The following NLRC3 variants were observed in gnomAD, a reference collection of about 807,000 sequenced individuals.
The protein encoded by NLRC3 is NLR family CARD domain-containing protein 3.
Under a neutral mutation model 91.6 loss-of-function variants are expected in NLRC3, and 87 were observed. That is an observed-to-expected ratio of 0.95 (90% CI 0.80 to 1.14). The LOEUF (loss-of-function observed/expected upper bound fraction) is 1.14, where lower values mean the gene tolerates loss of function less well. NLRC3 is among the 50% of genes most tolerant of loss of function. The probability of loss-of-function intolerance (pLI) is 0.00; values close to 1 mark genes in which losing one functional copy is unlikely to be tolerated. For synonymous variants in NLRC3, 694 were observed against 625.3 expected, an observed-to-expected ratio of 1.11 and a Z score of -1.64; for missense variants, 1,577 against 1,418.6, an observed-to-expected ratio of 1.11 and a Z score of -1.79.
Position 3,542,746 on chromosome 16 carries a change from C to T in NLRC3, c.2969G>A (p.Gly990Glu). ...DLRGNAIGVA[G>E]AKALANALKV... ...CAGAGCATTTGCCAGGGCTTTGGCT[C>T]CAGCCACCCCAATGGCATTTCCTCT... is the stretch of plus-strand genomic sequence containing the variant. Residue 990 changes from glycine to glutamate, a missense_variant, in exon 18 of 20, where the codon GGA (glycine) becomes GAA (glutamate). Coordinates refer to ENST00000359128, the MANE Select transcript of NLRC3 (RefSeq NM_178844.4). 3 of 1,609,384 alleles carry T rather than the reference C, an allele frequency of 1.9e-6. No homozygotes were observed. The highest frequency in any genetic ancestry group is 1.1e-5 in the South Asian group (1 of 89,978).
intron 6 of NLRC3, among the ~76,000 whole-genome samples, chr16:3,559,715 T>C (rs2039518896): frequency 1.3e-5 from 2 of 151,082 alleles, no homozygotes; most frequent in South Asian, 4.2e-4. Context: ...CTTGGCTCAC[T>C]GCAACTTCTG....
In NLRC3 at chr16:3,564,654, C is replaced by T. The variant is rs2039792408; in HGVS notation, c.283G>A (p.Gly95Ser). 1 of 1,606,132 alleles carries T rather than the reference C, an allele frequency of 6.2e-7. No individual in the cohort carries two copies. The highest frequency in any genetic ancestry group is 8.5e-7 in the Non-Finnish European group (1 of 1,179,684). ...TCCCTCAGCTGCAGGTCCGTCAGGC[C>T]CTCCACCAGCAGGAGGGAGGCCAGC... The part of the protein sequence containing the change: ...HRLASLLLVE[G>S]LTDLQLREHD... The change falls in exon 5 of 20, where the codon GGC (glycine) becomes AGC (serine). Residue 95 changes from glycine (G) to serine (S), a missense_variant. Gly to Ser is a moderately conservative substitution (Grantham distance 56, BLOSUM62 0). Transcript: ENST00000359128. The surrounding 1 kb of genome is among the most constrained non-coding windows in gnomAD (Gnocchi z 5.9).
In NLRC3 at chr16:3,543,516, GGAGAGGGTGCC is replaced by G; in HGVS notation, c.2856-19_2856-9del. 6.2e-7 allele frequency: 1 copy of G among 1,608,712 alleles called. No homozygotes were observed. The highest frequency in any genetic ancestry group is 8.5e-7 in the Non-Finnish European group (1 of 1,177,146). On this transcript the variant is annotated splice_polypyrimidine_tract_variant and intron_variant, in intron 16 of 19. Coordinates refer to ENST00000359128, the MANE Select transcript of NLRC3 (RefSeq NM_178844.4). ...ATTGAGGCCACCTGGAGACTGGGGC[GGAGAGGGTGCC>G]GTCAGTGTGAGCCGGCTGGGCCCAC...
At chr16:3,576,657 T>TTTTTG (rs750230000) in intron 1 of NLRC3, among the ~76,000 whole-genome samples, 14 of 152,178 alleles carry the variant, frequency 9.2e-5, no homozygotes, top group African/African-American at 2.2e-4. Flanking sequence ...TTTCTTTTCT[T>TTTTTG]TTTTGTTTTG....
intron 8 of NLRC3, among the ~76,000 whole-genome samples, chr16:3,556,304 G>C (rs2039317732): frequency 2.9e-5 from 1 of 34,814 alleles, no homozygotes; most frequent in East Asian, 8.8e-4. Flanking sequence ...GGGTGACAAA[G>C]AAAGAATCCG....
At chr16:3,556,464 C>A (rs2039339116) in intron 8 of NLRC3, among the ~76,000 whole-genome samples, 1 of 151,888 alleles carries the variant, frequency 6.6e-6, no homozygotes, top group Admixed American at 6.6e-5. Context: ...ATAAGATCCC[C>A]AGTACCCAAT....
chr16:3,574,919 G>C (rs1352248514), intron 1 of NLRC3, among the ~76,000 whole-genome samples: 3 of 152,056 alleles, frequency 2.0e-5, no homozygotes, highest in African/African-American at 7.2e-5. Flanking sequence ...CCAAGATCAC[G>C]CCACTGCACT....
rs926085315 is a variant in NLRC3 at position 3,539,063 on chromosome 16, A to G, written c.*2762T>C. ...CAAATACTCAATTTTTATTGGTAGT[A>G]GTTATCAAGAACAAAGTCCTCGGAC... is the stretch of plus-strand genomic sequence containing the variant. On this transcript the variant is annotated 3_prime_UTR_variant, in exon 20 of 20. Transcript: ENST00000359128. 6.6e-6 allele frequency: 1 copy of G among 152,262 alleles called. No individual in the cohort carries two copies. Among genetic ancestry groups the G allele is most frequent in the African/African-American group, 2.4e-5 (1 of 41,470 alleles). 9.4% of individuals were successfully genotyped at this position (152,262 alleles called of 1,614,324 possible). A position where few individuals can be genotyped will look rare whatever the true frequency, so the allele number is the denominator to read the frequency against.
intron 1 of NLRC3, among the ~76,000 whole-genome samples, chr16:3,576,460 AT>A (rs1177996245): frequency 1.3e-5 from 2 of 152,042 alleles, no homozygotes; most frequent in Non-Finnish European, 2.9e-5. Flanking sequence ...GTAGCCTCCC[AT>A]GGGGGGTCCC....
intron 1 of NLRC3, among the ~76,000 whole-genome samples, chr16:3,574,450 G>A (rs905810094): frequency 6.6e-6 from 1 of 152,250 alleles, no homozygotes; most frequent in East Asian, 1.9e-4. Context: ...AGAGGAATGA[G>A]GGAGGGACAG....
intron 15 of NLRC3, among the ~76,000 whole-genome samples, chr16:3,547,830 G>A (rs370033824): frequency 6.6e-6 from 1 of 152,046 alleles, no homozygotes. Context: ...CACCATGCCC[G>A]GCTAATTTTT....
chr16:3,569,395 T>TA lies in NLRC3; in HGVS notation c.-168-2072_-168-2071insT, dbSNP rs1491362144. Among the ~76,000 whole-genome samples the TA allele has an allele frequency of 9.4e-3, 447 of 47,322 alleles. 7 individuals are homozygous for TA. Among genetic ancestry groups the TA allele is most frequent in the African/African-American group, 0.032 (420 of 13,040 alleles). 31.0% of individuals were successfully genotyped at this position (47,322 alleles called of 152,430 possible). ...CCATATATATATATATATATATATA[T>TA]TATTTTTTTTTTTTTTTTTTTTTTT... On this transcript the variant is annotated intron_variant, in intron 1 of 19. Transcript: ENST00000359128.
At chr16:3,555,060 T>C (rs1207941011) in intron 8 of NLRC3, among the ~76,000 whole-genome samples, 1 of 151,952 alleles carries the variant, frequency 6.6e-6, no homozygotes, top group Admixed American at 6.6e-5. Context: ...TGAAACCCCA[T>C]CTCTACTAAA....
intron 2 of NLRC3, among the ~76,000 whole-genome samples, chr16:3,565,881 T>A (rs1027440169): frequency 6.6e-6 from 1 of 151,290 alleles, no homozygotes; most frequent in African/African-American, 2.4e-5. Flanking sequence ...ATCTCTAAAA[T>A]TTTTTAAAAA....
At chr16:3,548,569 G>T (rs2038819685) in intron 14 of NLRC3, 101 bp downstream of exon 14, 1 of 883,466 alleles carries the variant, frequency 1.1e-6, no homozygotes, top group African/African-American at 1.7e-5. Flanking sequence ...CTTTGCAGGG[G>T]GTGTCCCCAA....
At chr16:3,543,341 G>A (rs1367717112) in intron 17 of NLRC3, 84 bp downstream of exon 17, 2 of 960,414 alleles carry the variant, frequency 2.1e-6, no homozygotes, top group African/African-American at 1.6e-5. Context: ...TGAGTTGTCT[G>A]TAAACTTTGT....
chr16:3,565,354 C>T lies in NLRC3; in HGVS notation c.-60G>A, dbSNP rs1050826335. On this transcript the variant is annotated 5_prime_UTR_variant, in exon 3 of 20. Coordinates refer to ENST00000359128, the MANE Select transcript of NLRC3 (RefSeq NM_178844.4). ...ACTGAGGGCAGGCTGAGTCACCTCT[C>T]TGCGCCTTGGTGTCTTCATTTGTGA... The T allele has an allele frequency of 3.3e-6, 2 of 601,162 alleles. No individual in the cohort carries two copies. The highest frequency in any genetic ancestry group is 7.2e-5 in the East Asian group (2 of 27,878). The allele number at this position is 601,162 out of a possible 1,614,324, so 37.2% of individuals were successfully genotyped here.
Position 3,567,905 on chromosome 16 carries a change from G to A in NLRC3, c.-168-581C>T, listed in dbSNP as rs189461002. On this transcript the variant is annotated intron_variant, in intron 1 of 19. Transcript: ENST00000359128. ...TTTTTGAGACGGAGTCTGCTGTGTT[G>A]CCCAGGCTGGAGTGCAATGGCGTGA... Among the ~76,000 whole-genome samples the A allele has an allele frequency of 9.2e-3, 1,359 of 147,066 alleles. 24 individuals carry two copies. The highest frequency in any genetic ancestry group is 0.033 in the African/African-American group (1,300 of 39,934).
At chr16:3,555,345 A>T (rs2039252752) in intron 8 of NLRC3, among the ~76,000 whole-genome samples, 1 of 152,190 alleles carries the variant, frequency 6.6e-6, no homozygotes, top group African/African-American at 2.4e-5. Flanking sequence ...ACCAAAGGCG[A>T]GCCTATATAA....
Sources: gnomAD v4.1 joint callset for allele counts (sites outside exome capture counted in the v4.1 genomes callset) on GRCh38, gnomAD v4.1.1 for gene constraint, Gnocchi (gnomAD v3.1) non-coding constraint, MANE v1.5 for transcripts, NCBI Gene and HGNC (gene_info 2026-07-23, HGNC 2026-07-21) for gene names.